MTHFD1: variants seen among roughly 807,000 people sequenced by gnomAD.
MTHFD1 encodes the protein C-1-tetrahydrofolate synthase, cytoplasmic.
A neutral mutation model predicts 110.3 loss-of-function variants in MTHFD1; 44 were observed. The observed-to-expected ratio is 0.40, with a 90% CI of 0.31 to 0.51. MTHFD1 has a LOEUF of 0.51. MTHFD1 is among the 20% of genes least tolerant of loss of function. The probability of loss-of-function intolerance (pLI) is 0.60; values close to 1 mark genes in which losing one functional copy is unlikely to be tolerated. For synonymous variants in MTHFD1, 402 were observed against 428.8 expected (o/e 0.94, Z 0.77); for missense variants, 909 against 1,173.1 (o/e 0.77, Z 3.29).
chr14:64,413,416 T>C (rs899147679), intron 4 of MTHFD1, among the ~76,000 whole-genome samples: 2 of 152,158 alleles, frequency 1.3e-5, no homozygotes, highest in Non-Finnish European at 2.9e-5. Context: ...CAAATATGTA[T>C]TCCTTTTATA....
intron 1 of MTHFD1, among the ~76,000 whole-genome samples, chr14:64,391,598 A>G (rs1175491820): frequency 6.6e-6 from 1 of 152,128 alleles, no homozygotes; most frequent in Admixed American, 6.6e-5. Context: ...GACATCAACA[A>G]AGTTCAGCAT....
At chr14:64,458,457 T>C (rs2078510037) in intron 27 of MTHFD1, 150 bp downstream of exon 27, 9 of 702,750 alleles carry the variant, frequency 1.3e-5, no homozygotes. Flanking sequence ...GGGATAGTAA[T>C]GAGAGTTGGC....
intron 25 of MTHFD1, 126 bp from the exon 26 acceptor site, chr14:64,454,597 G>T: frequency 1.3e-6 from 1 of 758,552 alleles, no homozygotes; most frequent in Non-Finnish European, 2.3e-6. Context: ...GCAAGATAGA[G>T]ATGTATATAA....
intron 22 of MTHFD1, chr14:64,444,939 G>C (rs1390604660): frequency 3.3e-6 from 2 of 611,180 alleles, no homozygotes; most frequent in Non-Finnish European, 5.9e-6. Context: ...TCCCACATAG[G>C]GTGTCAATAA....
At chr14:64,427,032 T>C (rs1264075208) in intron 11 of MTHFD1, among the ~76,000 whole-genome samples, 1 of 152,034 alleles carries the variant, frequency 6.6e-6, no homozygotes, top group Non-Finnish European at 1.5e-5. Context: ...AGGGCTTTTG[T>C]CTTTCTTTTT....
chr14:64,415,367 T>C lies in MTHFD1; in HGVS notation c.250T>C (p.Tyr84His), dbSNP rs1327286619. The change falls in exon 5 of 28, where the codon TAC becomes CAC. Residue 84 changes from tyrosine (Y) to histidine (H), a missense_variant. Tyr to His is a moderately conservative substitution (Grantham distance 83). Around this residue, in one of 3 missense-constraint regions of MTHFD1, gnomAD observed 424 missense variants for 510.4 expected, o/e 0.83. Transcript: ENST00000652337. The stretch of plus-strand genomic sequence containing the variant: ...ATGGTATTACTTTTAGGTGATGAAG[T>C]ACATTACATCTTTGAATGAAGACTC... Reference protein sequence around the residue: ...RTTTESEVMKYITSLNEDSTV... With the variant: ...RTTTESEVMKHITSLNEDSTV... 6.2e-7 allele frequency: 1 copy of C among 1,608,396 alleles called. No individual in the cohort carries two copies. The highest frequency in any genetic ancestry group is 8.5e-7 in the Non-Finnish European group (1 of 1,174,812).
intron 2 of MTHFD1, among the ~76,000 whole-genome samples, chr14:64,409,968 C>A (rs182767977): frequency 1.2e-3 from 183 of 152,334 alleles, no homozygotes; most frequent in South Asian, 4.1e-3. Context: ...GGACCACCAC[C>A]TTTCCCTCTG....
intron 13 of MTHFD1, among the ~76,000 whole-genome samples, chr14:64,430,898 C>A (rs577355866): frequency 6.6e-6 from 1 of 152,210 alleles, no homozygotes; most frequent in South Asian, 2.1e-4. Flanking sequence ...CCGTGCACTC[C>A]TCCTCGCTGT....
chr14:64,454,830 C>T lies in MTHFD1; in HGVS notation c.2673C>T (p.Ile891=). 1 of 1,614,234 alleles carries T rather than the reference C, an allele frequency of 6.2e-7. No individual in the cohort carries two copies. The highest frequency in any genetic ancestry group is 2.2e-5 in the East Asian group (1 of 44,882). ...PTGFILPIRD[I]RASVGAGFLY... The stretch of plus-strand genomic sequence containing the variant: ...GCTTCATTCTGCCCATTCGCGACAT[C>T]CGCGCCAGCGTTGGGGCTGGTTTTC... The change falls in exon 26 of 28, where the codon ATC becomes ATT. Residue 891 remains isoleucine, a synonymous_variant. Transcript: ENST00000652337.
At chr14:64,442,578 C>T (rs1025652255) in intron 21 of MTHFD1, among the ~76,000 whole-genome samples, 176 bp downstream of exon 21, 4 of 152,304 alleles carry the variant, frequency 2.6e-5, no homozygotes, top group South Asian at 2.1e-4. Context: ...TCACAGGCAC[C>T]GTCAGCGCTC....
chr14:64,446,493 C>T (rs1214832100), intron 22 of MTHFD1, among the ~76,000 whole-genome samples: 1 of 152,162 alleles, frequency 6.6e-6, no homozygotes, highest in East Asian at 1.9e-4. Flanking sequence ...AGATACATTT[C>T]CTTAATTGCT....
At chr14:64,430,903 C>T (rs986360776) in intron 13 of MTHFD1, among the ~76,000 whole-genome samples, 2 of 152,104 alleles carry the variant, frequency 1.3e-5, no homozygotes, top group Non-Finnish European at 2.9e-5. Context: ...CACTCCTCCT[C>T]GCTGTTTTGA....
intron 17 of MTHFD1, 36 bp from the exon 18 acceptor site, chr14:64,440,090 A>G (rs747001797): frequency 1.7e-5 from 27 of 1,600,294 alleles, no homozygotes; most frequent in Non-Finnish European, 2.3e-5. Context: ...GGTTTAACAC[A>G]AAGTTTTTGC....
intron 12 of MTHFD1, among the ~76,000 whole-genome samples, chr14:64,428,102 GTTTT>G (rs11289659): frequency 2.7e-5 from 2 of 74,684 alleles, no homozygotes; most frequent in African/African-American, 5.0e-5. Flanking sequence ...AAGAACATGT[GTTTT>G]TTTTTTTTTT....
chr14:64,420,608 T>G (rs2078061366), intron 8 of MTHFD1, among the ~76,000 whole-genome samples: 1 of 152,200 alleles, frequency 6.6e-6, no homozygotes, highest in African/African-American at 2.4e-5. Context: ...CCTTCTCAGC[T>G]GATGGGCTGT....
At chr14:64,415,982 TG>T (rs1238151542) in intron 6 of MTHFD1, among the ~76,000 whole-genome samples, 9 of 152,238 alleles carry the variant, frequency 5.9e-5, no homozygotes, top group African/African-American at 2.2e-4. Flanking sequence ...GGCTCATGCC[TG>T]TTATCCCAGC....
intron 25 of MTHFD1, among the ~76,000 whole-genome samples, chr14:64,454,169 G>A (rs1370469706): frequency 6.6e-6 from 1 of 152,200 alleles, no homozygotes; most frequent in Non-Finnish European, 1.5e-5. Context: ...CTAGAGTGCA[G>A]TGGCACAATT....
chr14:64,400,974 G>C lies in MTHFD1; in HGVS notation c.126+97G>C, dbSNP rs1191207422. 24 of 907,068 alleles carry C rather than the reference G, an allele frequency of 2.6e-5. 1 individual carries two copies. The East Asian group carries it at 6.4e-4, about 24-fold the overall frequency. 56.2% of individuals were successfully genotyped at this position (907,068 alleles called of 1,614,324 possible). On this transcript the variant is annotated intron_variant, in intron 2 of 27. Transcript: ENST00000652337. ...CTACTTTCCTCCTTTTTTTTTGGCT[G>C]TTGTGTAATCTCATGCCTTTTCAGT...
intron 22 of MTHFD1, chr14:64,445,007 T>A (rs149531515): frequency 1.0e-5 from 5 of 486,562 alleles, no homozygotes; most frequent in Non-Finnish European, 1.9e-5. Context: ...CCGGGGACAT[T>A]TGGCAATGTC....
Sources: allele counts gnomAD v4.1 joint callset (sites outside exome capture counted in the v4.1 genomes callset), GRCh38; gene constraint gnomAD v4.1.1; regional missense constraint gnomAD v4.1.1; transcripts MANE v1.5; gene names NCBI Gene and HGNC (gene_info 2026-07-23, HGNC 2026-07-21).